The following TBC1D5 variants were observed in gnomAD, a reference collection of about 807,000 sequenced individuals.
TBC1D5 encodes the protein TBC1 domain family, member 5.
A neutral mutation model predicts 100.3 loss-of-function variants in TBC1D5; 75 were observed. That is an observed-to-expected ratio of 0.75 (90% confidence interval 0.62 to 0.91). The LOEUF is 0.91. TBC1D5 is among the 40% of genes least tolerant of loss of function. TBC1D5 has a pLI of 0.00. For missense variants in TBC1D5, 910 were observed against 942.4 expected, an observed-to-expected ratio of 0.97 and a Z score of 0.45; for synonymous variants, 323 against 325.6, an observed-to-expected ratio of 0.99 and a Z score of 0.09.
intron 14 of TBC1D5, among the ~76,000 whole-genome samples, chr3:17,306,101 G>C (rs952818463): frequency 8.1e-6 from 1 of 124,042 alleles, no homozygotes; most frequent in Non-Finnish European, 1.9e-5. Context: ...TCCCTAATAA[G>C]CTGCTTTTCA....
rs80005651 is a variant in TBC1D5 at position 17,494,029 on chromosome 3, C to T, written c.97+14445G>A. ...CTCTGACTAGTTTTCAGCGTTTTTG[C>T]GCTTATTTTTTCTCATCTTTGTGGG... On this transcript the variant is annotated intron_variant, in intron 3 of 21. Transcript: ENST00000253692. 2.6e-3 allele frequency among the ~76,000 whole-genome samples: 399 copies of T among 152,232 alleles called. 3 individuals carry two copies. Among genetic ancestry groups the T allele is most frequent in the African/African-American group, 4.1e-3 (172 of 41,554 alleles).
At chr3:17,386,955 A>C (rs538251844) in intron 8 of TBC1D5, among the ~76,000 whole-genome samples, 1 of 152,244 alleles carries the variant, frequency 6.6e-6, no homozygotes, top group African/African-American at 2.4e-5. Flanking sequence ...GCAAATACCA[A>C]ATCAACTGAA....
chr3:17,223,060 T>C (rs2074458351), intron 17 of TBC1D5, among the ~76,000 whole-genome samples: 1 of 152,166 alleles, frequency 6.6e-6, no homozygotes, highest in South Asian at 2.1e-4. Context: ...GAAGGCATTA[T>C]ATATCAAATC....
intron 13 of TBC1D5, among the ~76,000 whole-genome samples, chr3:17,326,841 T>C (rs1159961199): frequency 2.0e-5 from 3 of 152,196 alleles, no homozygotes. Context: ...CTCCTCTCAC[T>C]ATCTTTCTTA....
intron 13 of TBC1D5, among the ~76,000 whole-genome samples, chr3:17,366,603 G>A (rs2092146929): frequency 6.6e-6 from 1 of 151,958 alleles, no homozygotes; most frequent in South Asian, 2.1e-4. Context: ...ATAATATAAA[G>A]CTCATTGAAA....
chr3:17,563,868 C>T lies in TBC1D5; in HGVS notation c.-35-55263G>A, dbSNP rs542289500. Among the ~76,000 whole-genome samples the T allele has an allele frequency of 1.5e-4, 23 of 152,294 alleles. 1 individual carries two copies. The South Asian group carries it at 2.3e-3, about 15-fold the overall frequency. ...CTTGATCTCAGCTCTCTGCAAGCTC[C>T]GCCTCCTGGCTTCACGCCATTCTCC... is the stretch of plus-strand genomic sequence containing the variant. On this transcript the variant is annotated intron_variant, in intron 2 of 21. Coordinates refer to ENST00000253692, the Ensembl canonical transcript of TBC1D5.
intron 1 of TBC1D5, among the ~76,000 whole-genome samples, chr3:17,684,319 T>C (rs1371241011): frequency 2.6e-5 from 4 of 152,112 alleles, no homozygotes; most frequent in African/African-American, 9.7e-5. Flanking sequence ...ATTCAATATT[T>C]CAAAATAAGA....
chr3:17,276,313 C>A (rs1251480399), intron 15 of TBC1D5, among the ~76,000 whole-genome samples: 1 of 152,150 alleles, frequency 6.6e-6, no homozygotes, highest in Non-Finnish European at 1.5e-5. Flanking sequence ...AAGGCCCCAC[C>A]TCCTAGTATC....
chr3:17,432,228 G>GTTC (rs2094458095), intron 3 of TBC1D5, among the ~76,000 whole-genome samples: 1 of 152,036 alleles, frequency 6.6e-6, no homozygotes, highest in Admixed American at 6.6e-5. Flanking sequence ...AAATGACTTG[G>GTTC]TTCAAACTAA....
At chr3:17,727,904 A>C (rs1391035794) in intron 1 of TBC1D5, among the ~76,000 whole-genome samples, 2 of 152,224 alleles carry the variant, frequency 1.3e-5, no homozygotes, top group African/African-American at 4.8e-5. Flanking sequence ...AAAGAGTATT[A>C]GCAAGTAGAA....
intron 2 of TBC1D5, among the ~76,000 whole-genome samples, chr3:17,563,984 G>A (rs368261132): frequency 5.3e-4 from 80 of 152,076 alleles, no homozygotes; most frequent in Middle Eastern, 3.4e-3. Context: ...GGGTTTCACC[G>A]TGTTAGCCAG....
intron 8 of TBC1D5, among the ~76,000 whole-genome samples, chr3:17,399,681 C>A (rs889222672): frequency 6.6e-6 from 1 of 152,088 alleles, no homozygotes; most frequent in Non-Finnish European, 1.5e-5. Context: ...CTTCCTATTG[C>A]AATCAGAATA....
intron 1 of TBC1D5, among the ~76,000 whole-genome samples, chr3:17,704,410 C>A (rs546874057): frequency 0.016 from 2,449 of 151,484 alleles, 50 homozygotes; most frequent in South Asian, 0.046. Context: ...CATTGTCATC[C>A]TGGCCCGTTC....
intron 13 of TBC1D5, among the ~76,000 whole-genome samples, chr3:17,308,876 T>C (rs1389634972): frequency 6.6e-6 from 1 of 152,100 alleles, no homozygotes. Flanking sequence ...TAATTGTACA[T>C]AATAGTGACA....
At chr3:17,716,157 C>T (rs1029027627) in intron 1 of TBC1D5, among the ~76,000 whole-genome samples, 1 of 152,130 alleles carries the variant, frequency 6.6e-6, no homozygotes, top group Non-Finnish European at 1.5e-5. Context: ...AAAAAGACAA[C>T]ACCATTGAGA....
intron 8 of TBC1D5, among the ~76,000 whole-genome samples, chr3:17,387,850 A>G (rs1443517604): frequency 6.6e-6 from 1 of 151,782 alleles, no homozygotes; most frequent in African/African-American, 2.4e-5. Context: ...CATGAAAATA[A>G]AGAGAGAAAT....
At chr3:17,227,718 G>C (rs554203559) in intron 17 of TBC1D5, among the ~76,000 whole-genome samples, 74 of 151,894 alleles carry the variant, frequency 4.9e-4, no homozygotes, top group African/African-American at 1.7e-3. Context: ...GTGGGAGGAG[G>C]GAGAGAATAA....
intron 1 of TBC1D5, chr3:17,706,167 G>A (rs539789769): frequency 6.4e-7 from 1 of 1,571,376 alleles, no homozygotes; most frequent in East Asian, 2.4e-5. Context: ...GGAGACATCG[G>A]CAGGCAGCCG....
Position 17,676,579 on chromosome 3 carries a change from A to C in TBC1D5, c.-100-52666T>G, listed in dbSNP as rs141975693. ...ATCGTGAAAATGGCCATACTGCCCA[A>C]GGTAATTTATAGATTCAATGCCATC... On this transcript the variant is annotated intron_variant, in intron 1 of 21. Transcript: ENST00000253692. Among the ~76,000 whole-genome samples the C allele has an allele frequency of 3.6e-3, 551 of 152,334 alleles. 4 individuals carry two copies. The highest frequency in any genetic ancestry group is 0.013 in the African/African-American group (535 of 41,576).
Sources: gnomAD v4.1 joint callset for allele counts (sites outside exome capture counted in the v4.1 genomes callset) on GRCh38, gnomAD v4.1.1 for gene constraint, MANE v1.5 for transcripts, NCBI Gene and HGNC (gene_info 2026-07-23, HGNC 2026-07-21) for gene names.